Variants in EXO1 observed in about 807,000 individuals in gnomAD.
The protein encoded by EXO1 is exonuclease 1.
In EXO1, 69 loss-of-function variants were observed where a neutral mutation model predicts 84.5. That is an observed-to-expected ratio of 0.82 (90% CI 0.67 to 1.00). EXO1 has a LOEUF of 1.00. EXO1 is among the 50% of genes least tolerant of loss of function. EXO1 has a pLI of 0.00. For missense variants in EXO1, 1,045 were observed against 1,000.7 expected (o/e 1.04, Z -0.60); for synonymous variants, 373 against 366.1 (o/e 1.02, Z -0.21).
rs534667892 is a variant in EXO1, at chr1:241,855,969, C to T, written c.406-1376C>T. ...CTCGCTGGCGCCTCTCCCTCCACAC[C>T]TCCCTGTAAGCTGAGGGAGTGGGCT... On this transcript the variant is annotated intron_variant, in intron 6 of 15. Transcript: ENST00000366548. 3.4e-3 allele frequency among the ~76,000 whole-genome samples: 513 copies of T among 152,320 alleles called. 4 individuals carry two copies. The highest frequency in any genetic ancestry group is 0.012 in the African/African-American group (496 of 41,590).
intron 12 of EXO1, among the ~76,000 whole-genome samples, chr1:241,873,851 C>T (rs1333995845): frequency 2.0e-5 from 3 of 152,062 alleles, no homozygotes; most frequent in African/African-American, 7.2e-5. Context: ...GTTTAAATGA[C>T]AGGTGAAGCA....
intron 10 of EXO1, among the ~76,000 whole-genome samples, chr1:241,862,464 T>A (rs4149932): frequency 1.2e-3 from 183 of 152,340 alleles, no homozygotes; most frequent in Non-Finnish European, 2.1e-3. Flanking sequence ...GAATTCTCAC[T>A]GTCTCTTGCG....
At position 241,885,429 on chromosome 1, in the gene EXO1, G is replaced by A; in HGVS notation, c.2327G>A (p.Arg776Lys). ...AAGAAGCCGGCAAGCATCCAGAAGA[G>A]AAAGCATCATAATGCCGAGAACAAG... ...LSKKPASIQK[R>K]KHHNAENKPG... Residue 776 changes from arginine to lysine, a missense_variant, in exon 15 of 16, where the codon AGA becomes AAA. Arg to Lys is a conservative substitution (Grantham distance 26). Transcript: ENST00000366548. 6.2e-7 allele frequency: 1 copy of A among 1,613,874 alleles called. No homozygotes were observed. The highest frequency in any genetic ancestry group is 1.1e-5 in the South Asian group (1 of 91,074).
Position 241,858,542 on chromosome 1 carries a change from G to C in EXO1, c.580G>C (p.Glu194Gln). 6.2e-7 allele frequency: 1 copy of C among 1,614,144 alleles called. No homozygotes were observed. The highest frequency in any genetic ancestry group is 8.5e-7 in the Non-Finnish European group (1 of 1,179,974). Residue 194 changes from glutamate to glutamine, a missense_variant, in exon 8 of 16, where the codon GAA (glutamate) becomes CAA (glutamine). Glu to Gln is a conservative substitution (Grantham distance 29). Transcript: ENST00000366548. ...LKMDQFGNGL[E>Q]IDQARLGMCR... is the part of the protein sequence containing the mutation. ...GATGGACCAGTTTGGAAATGGACTT[G>C]AAATTGATCAAGCTCGGCTAGGAAT...
chr1:241,858,485 C>A (rs1448544297), intron 7 of EXO1, 21 bp from the exon 8 acceptor site: 2 of 1,565,206 alleles, frequency 1.3e-6, no homozygotes, highest in South Asian at 1.1e-5. Context: ...TAGGTATTAA[C>A]AATTTCCCTT....
At chr1:241,884,349 T>G (rs1293253769) in intron 14 of EXO1, among the ~76,000 whole-genome samples, 1 of 152,224 alleles carries the variant, frequency 6.6e-6, no homozygotes, top group Non-Finnish European at 1.5e-5. Flanking sequence ...CAGATTCATA[T>G]TGTAAACCTT....
intron 14 of EXO1, among the ~76,000 whole-genome samples, chr1:241,883,097 T>C (rs1635494): frequency 0.95 from 144,131 of 152,274 alleles, 68,378 homozygotes; most frequent in Non-Finnish European, 0.98. Flanking sequence ...TATAGGTGAA[T>C]TTTTTTCTGT....
chr1:241,888,394 G>A (rs922253566), intron 15 of EXO1, among the ~76,000 whole-genome samples: 7 of 112,404 alleles, frequency 6.2e-5, no homozygotes, highest in Non-Finnish European at 1.3e-4. Context: ...GGTATGACTC[G>A]TACGGTGTGA....
chr1:241,877,889 A>G (rs1297948937), intron 12 of EXO1, among the ~76,000 whole-genome samples: 1 of 152,216 alleles, frequency 6.6e-6, no homozygotes, highest in East Asian at 1.9e-4. Flanking sequence ...CCTAGATGAT[A>G]TAATGCTAGG....
intron 10 of EXO1, 43 bp from the exon 11 acceptor site, chr1:241,866,787 T>G (rs367906829): frequency 3.6e-5 from 49 of 1,370,178 alleles, no homozygotes; most frequent in Non-Finnish European, 4.9e-5. Context: ...ATAAATTGAT[T>G]ATTTTCTTTC....
At chr1:241,852,509 G>T in intron 5 of EXO1, 98 bp downstream of exon 5, 1 of 1,132,774 alleles carries the variant, frequency 8.8e-7, no homozygotes, top group Non-Finnish European at 1.3e-6. Flanking sequence ...GCCAGGCTCA[G>T]TGGCTTGCAC....
chr1:241,882,269 G>A (rs955724654), intron 14 of EXO1, among the ~76,000 whole-genome samples: 8 of 152,114 alleles, frequency 5.3e-5, no homozygotes, highest in Non-Finnish European at 1.0e-4. Context: ...ATATGCAGTT[G>A]TATAGGTTTG....
In EXO1 at chr1:241,882,072, C is replaced by G. The variant is rs146476580; in HGVS notation, c.2211+55C>G. On this transcript the variant is annotated intron_variant, in intron 14 of 15. Transcript: ENST00000366548. ...TTTCAGAAGCGGTGTATGCTTACAA[C>G]TAGAAAATGAGAAATACAAGCAGAA... The G allele has an allele frequency of 5.6e-3, 4,643 of 823,320 alleles. 22 individuals are homozygous for G. The highest frequency in any genetic ancestry group is 7.3e-3 in the Non-Finnish European group (3,563 of 485,256). The allele number at this position is 823,320 out of a possible 1,614,324, so 51.0% of individuals were successfully genotyped here. A position where few individuals can be genotyped will look rare whatever the true frequency, so the allele number is the denominator to read the frequency against.
chr1:241,867,948 A>T (rs943370014), intron 11 of EXO1, among the ~76,000 whole-genome samples: 2 of 145,070 alleles, frequency 1.4e-5, no homozygotes, highest in African/African-American at 5.1e-5. Context: ...TTTAATTTCT[A>T]AAAAAAAAAA....
chr1:241,874,954 C>T (rs990630849), intron 12 of EXO1, among the ~76,000 whole-genome samples: 8 of 152,178 alleles, frequency 5.3e-5, no homozygotes, highest in African/African-American at 1.9e-4. Flanking sequence ...CTGTATTCCA[C>T]TAGAAGACTT....
At chr1:241,861,324 T>A in intron 9 of EXO1, 82 bp from the exon 10 acceptor site, 2 of 782,020 alleles carry the variant, frequency 2.6e-6, no homozygotes, top group Non-Finnish European at 4.6e-6. Context: ...TTCGTGACAA[T>A]AGAAAACATT....
chr1:241,872,482 C>T (rs1286904050), intron 12 of EXO1, among the ~76,000 whole-genome samples: 1 of 152,054 alleles, frequency 6.6e-6, no homozygotes, highest in African/African-American at 2.4e-5. Context: ...TTAGGTATTT[C>T]TCCTAATGTT....
chr1:241,872,600 T>C, intron 12 of EXO1, among the ~76,000 whole-genome samples: 1 of 152,118 alleles, frequency 6.6e-6, no homozygotes, highest in East Asian at 1.9e-4. Flanking sequence ...CGAGAACATG[T>C]GGTGTTTGGT....
rs913056616 is a variant in EXO1, at chr1:241,889,735, A to G, written c.*135A>G. 4.7e-6 allele frequency: 4 copies of G among 859,726 alleles called. No homozygotes were observed. In the Admixed American group the frequency reaches 5.8e-5, roughly 13 times the overall value. 53.3% of individuals were successfully genotyped at this position (859,726 alleles called of 1,614,324 possible). ...ATTTTAAAAATAGAATACATTTTGT[A>G]TATTAACTTTATAATTGGGTTGTGG... On this transcript the variant is annotated 3_prime_UTR_variant, in exon 16 of 16. Coordinates refer to ENST00000366548, the MANE Select transcript of EXO1 (RefSeq NM_130398.4).
Sources: allele counts gnomAD v4.1 joint callset (sites outside exome capture counted in the v4.1 genomes callset), GRCh38; gene constraint gnomAD v4.1.1; transcripts MANE v1.5; gene names NCBI Gene and HGNC (gene_info 2026-07-23, HGNC 2026-07-21).